Variants in PAPPA2 observed in about 807,000 individuals in gnomAD.
PAPPA2 encodes the protein pappalysin 2.
In PAPPA2, 86 loss-of-function variants were observed where a neutral mutation model predicts 176.4. The ratio of observed to expected loss-of-function variants is 0.49; its 90% CI spans 0.41 to 0.58. PAPPA2 has a LOEUF of 0.58. PAPPA2 is among the 20% of genes least tolerant of loss of function. The probability of loss-of-function intolerance (pLI) is 0.00; values close to 1 mark genes in which losing one functional copy is unlikely to be tolerated. For missense variants in PAPPA2, 2,073 were observed against 2,256.9 expected, an observed-to-expected ratio of 0.92 and a Z score of 1.65; for synonymous variants, 809 against 852.2, an observed-to-expected ratio of 0.95 and a Z score of 0.88.
intron 10 of PAPPA2, among the ~76,000 whole-genome samples, chr1:176,706,738 G>A (rs529700090): frequency 5.9e-5 from 9 of 152,258 alleles, no homozygotes; most frequent in Middle Eastern, 3.4e-3. Context: ...TAGAATCTGC[G>A]TGGTAAACCA....
chr1:176,782,959 T>C (rs778363752), intron 17 of PAPPA2, among the ~76,000 whole-genome samples: 1 of 152,078 alleles, frequency 6.6e-6, no homozygotes, highest in Non-Finnish European at 1.5e-5. Context: ...GCAGGACTTG[T>C]TGATGGGTTA....
chr1:176,519,664 G>C lies in PAPPA2; in HGVS notation c.-916-35743G>C, dbSNP rs1285065403. On this transcript the variant is annotated intron_variant, in intron 1 of 22. Coordinates refer to ENST00000367662, the MANE Select transcript of PAPPA2 (RefSeq NM_020318.3). ...AAGACTTGGCTGCTGGTAATCCCCA[G>C]GAAGTAGAAACAACATGACTGCCTA... is the stretch of plus-strand genomic sequence containing the variant. Among the ~76,000 whole-genome samples, 3 of 152,122 alleles carry C rather than the reference G, an allele frequency of 2.0e-5. No individual in the cohort carries two copies. The East Asian group carries it at 5.8e-4, about 29-fold the overall frequency.
intron 12 of PAPPA2, among the ~76,000 whole-genome samples, chr1:176,733,627 G>A (rs761562178): frequency 3.3e-4 from 50 of 152,062 alleles, no homozygotes; most frequent in African/African-American, 1.7e-4. Context: ...CTACCCAGCC[G>A]GGGAATGCTC....
At chr1:176,805,669 G>C (rs1665873284) in intron 21 of PAPPA2, among the ~76,000 whole-genome samples, 1 of 152,122 alleles carries the variant, frequency 6.6e-6, no homozygotes, top group Non-Finnish European at 1.5e-5. Flanking sequence ...TGTGAGGACA[G>C]GGTCATATTG....
intron 17 of PAPPA2, among the ~76,000 whole-genome samples, chr1:176,786,122 G>A (rs1485383075): frequency 1.3e-5 from 2 of 152,160 alleles, no homozygotes; most frequent in Non-Finnish European, 2.9e-5. Flanking sequence ...ACTCTGCAGT[G>A]TGAAGGAGGA....
At chr1:176,776,035 A>C (rs1664446601) in intron 17 of PAPPA2, among the ~76,000 whole-genome samples, 1 of 152,126 alleles carries the variant, frequency 6.6e-6, no homozygotes, top group Admixed American at 6.6e-5. Flanking sequence ...CTCTCTTTTA[A>C]GACCCTTTCT....
At chr1:176,670,610 C>T (rs1033302292) in intron 3 of PAPPA2, among the ~76,000 whole-genome samples, 3 of 152,120 alleles carry the variant, frequency 2.0e-5, no homozygotes, top group East Asian at 1.9e-4. Context: ...AGTTGGAAGG[C>T]CTTCTTCACT....
chr1:176,673,627 G>A (rs1443096765), intron 4 of PAPPA2, among the ~76,000 whole-genome samples: 1 of 152,008 alleles, frequency 6.6e-6, no homozygotes, highest in African/African-American at 2.4e-5. Context: ...TGTTGGGCTG[G>A]GGCATACTAT....
chr1:176,588,592 G>A (rs779359212), intron 2 of PAPPA2, among the ~76,000 whole-genome samples: 7 of 152,156 alleles, frequency 4.6e-5, no homozygotes, highest in South Asian at 2.1e-4. Flanking sequence ...GCTGTAATTC[G>A]TGCTAGTGAT....
At chr1:176,611,552 C>T (rs1654926123) in intron 3 of PAPPA2, among the ~76,000 whole-genome samples, 2 of 152,264 alleles carry the variant, frequency 1.3e-5, no homozygotes, top group South Asian at 2.1e-4. Flanking sequence ...TTGTACCTTT[C>T]TGTATGATCA....
At chr1:176,567,987 C>G (rs1027149473) in intron 2 of PAPPA2, among the ~76,000 whole-genome samples, 1 of 152,168 alleles carries the variant, frequency 6.6e-6, no homozygotes, top group Non-Finnish European at 1.5e-5. Flanking sequence ...CAGTTTCACA[C>G]CTCAGTTGTG....
intron 3 of PAPPA2, among the ~76,000 whole-genome samples, chr1:176,647,183 T>G (rs564483723): frequency 1.3e-5 from 2 of 151,822 alleles, no homozygotes; most frequent in East Asian, 1.9e-4. Context: ...CCTTTTCACA[T>G]ACCTGTTTGC....
chr1:176,740,245 TG>T, intron 14 of PAPPA2, 49 bp downstream of exon 14: 2 of 1,539,666 alleles, frequency 1.3e-6, no homozygotes, highest in Non-Finnish European at 1.8e-6. Flanking sequence ...GTGGCTCTAA[TG>T]ATTGGCTCAC....
At chr1:176,753,311 A>T (rs1430875368) in intron 14 of PAPPA2, among the ~76,000 whole-genome samples, 1 of 152,040 alleles carries the variant, frequency 6.6e-6, no homozygotes, top group African/African-American at 2.4e-5. Flanking sequence ...GTATTATTTC[A>T]TCTCTATTAT....
chr1:176,488,116 A>G (rs1481841775), intron 1 of PAPPA2, among the ~76,000 whole-genome samples: 1 of 152,200 alleles, frequency 6.6e-6, no homozygotes, highest in Non-Finnish European at 1.5e-5. Context: ...CTGCGTGGAT[A>G]GAAAATAGGC....
chr1:176,688,124 A>G (rs1659935010), intron 4 of PAPPA2, among the ~76,000 whole-genome samples: 1 of 152,240 alleles, frequency 6.6e-6, no homozygotes. Flanking sequence ...CCTATTTCTG[A>G]AGATTAGTTT....
intron 3 of PAPPA2, among the ~76,000 whole-genome samples, chr1:176,622,174 A>T (rs1177054576): frequency 2.6e-5 from 4 of 152,198 alleles, no homozygotes; most frequent in African/African-American, 9.7e-5. Context: ...CAACATTTAC[A>T]CTGAGTTTCC....
rs1196101049 is a variant in PAPPA2, at chr1:176,699,537, G to A, written c.3184G>A (p.Ala1062Thr). The change falls in exon 8 of 23, where the codon GCC (alanine) becomes ACC (threonine). Residue 1062 changes from alanine to threonine, a missense_variant. Ala to Thr is a moderately conservative substitution (Grantham distance 58, BLOSUM62 0). Transcript: ENST00000367662. ...CCAGGTTCTCCGCGATCCCCCATTTGCCAGTGGTTTGCCCGTGGTGGTGAC... is the reference window on the plus strand; with the variant it reads ...CCAGGTTCTCCGCGATCCCCCATTTACCAGTGGTTTGCCCGTGGTGGTGAC... ...RYQVLRDPPFASGLPVVVTHS... is the reference protein window; with the variant it reads ...RYQVLRDPPFTSGLPVVVTHS... 1 of 1,612,544 alleles carries A rather than the reference G, an allele frequency of 6.2e-7. No homozygotes were observed. The highest frequency in any genetic ancestry group is 1.3e-5 in the African/African-American group (1 of 74,872).
At chr1:176,473,763 T>G (rs2102468707) in intron 1 of PAPPA2, among the ~76,000 whole-genome samples, 1 of 152,320 alleles carries the variant, frequency 6.6e-6, no homozygotes, top group East Asian at 1.9e-4. Context: ...CTGTTTTAAT[T>G]TGTAATTCCT....
Sources: gnomAD v4.1 joint callset for allele counts (sites outside exome capture counted in the v4.1 genomes callset) on GRCh38, gnomAD v4.1.1 for gene constraint, MANE v1.5 for transcripts, NCBI Gene and HGNC (gene_info 2026-07-23, HGNC 2026-07-21) for gene names.